RASGEF1A: variants seen among roughly 807,000 people sequenced by gnomAD.
RASGEF1A encodes the protein ras-GEF domain-containing family member 1A.
Under a neutral mutation model 56.4 loss-of-function variants are expected in RASGEF1A, and 18 were observed. The observed-to-expected ratio is 0.32, with a 90% CI of 0.22 to 0.47. RASGEF1A has a LOEUF of 0.47. Ranked by LOEUF, RASGEF1A falls within the 20% of genes least tolerant of loss-of-function variation. The probability of loss-of-function intolerance (pLI) is 1.00; values close to 1 mark genes in which losing one functional copy is unlikely to be tolerated. For synonymous variants in RASGEF1A, 245 were observed against 242.6 expected, an observed-to-expected ratio of 1.01 and a Z score of -0.09; for missense variants, 422 against 627.1, an observed-to-expected ratio of 0.67 and a Z score of 3.49.
intron 1 of RASGEF1A, among the ~76,000 whole-genome samples, chr10:43,255,674 G>A (rs543694351): frequency 6.6e-6 from 1 of 152,228 alleles, no homozygotes; most frequent in Admixed American, 6.5e-5. Context: ...CAAGGACACA[G>A]GACACTGGTC....
chr10:43,234,035 GA>G (rs1380477042), intron 1 of RASGEF1A, among the ~76,000 whole-genome samples: 1 of 152,120 alleles, frequency 6.6e-6, no homozygotes, highest in African/African-American at 2.4e-5. Flanking sequence ...CAGGGCCGGG[GA>G]GGGCACCCTC....
At chr10:43,237,314 C>A (rs1803727365) in intron 1 of RASGEF1A, among the ~76,000 whole-genome samples, 1 of 152,106 alleles carries the variant, frequency 6.6e-6, no homozygotes, top group Admixed American at 6.5e-5. Context: ...TCCTCCCCGA[C>A]CCCGGAGGCT....
chr10:43,216,156 C>A (rs1840133924), intron 1 of RASGEF1A, among the ~76,000 whole-genome samples: 1 of 152,328 alleles, frequency 6.6e-6, no homozygotes, highest in African/African-American at 2.4e-5. Flanking sequence ...CCAGGCTGCC[C>A]CCCAACCTGG....
intron 1 of RASGEF1A, among the ~76,000 whole-genome samples, chr10:43,254,948 C>T (rs1055534666): frequency 1.3e-5 from 2 of 152,000 alleles, no homozygotes; most frequent in African/African-American, 4.8e-5. Context: ...GCCCCTCTAT[C>T]CCCGCACTCC....
intron 1 of RASGEF1A, among the ~76,000 whole-genome samples, chr10:43,243,430 C>A (rs1320322726): frequency 6.9e-6 from 1 of 145,794 alleles, no homozygotes; most frequent in African/African-American, 2.6e-5. Context: ...AAGTGAGGGG[C>A]GTCTCTGCCC....
intron 1 of RASGEF1A, among the ~76,000 whole-genome samples, chr10:43,251,896 G>T (rs1840631343): frequency 6.6e-6 from 1 of 152,182 alleles, no homozygotes; most frequent in South Asian, 2.1e-4. Flanking sequence ...GGTTCGGAAG[G>T]GACAGGTGAA....
Position 43,242,746 on chromosome 10 carries a change from T to C in RASGEF1A, c.-7+24099A>G, listed in dbSNP as rs186336227. 6.7e-3 allele frequency among the ~76,000 whole-genome samples: 1,025 copies of C among 152,204 alleles called. 8 individuals are homozygous for C. The highest frequency in any genetic ancestry group is 9.6e-3 in the Non-Finnish European group (652 of 67,982). On this transcript the variant is annotated intron_variant, in intron 1 of 12. Coordinates refer to ENST00000395810, the MANE Select transcript of RASGEF1A (RefSeq NM_145313.4). ...CAGGGTTTCGCTGTGTTGACCGGGCTGGTTTCCAGCTCCTGGCCTCGGGTG... is the reference window on the plus strand; with the variant it reads ...CAGGGTTTCGCTGTGTTGACCGGGCCGGTTTCCAGCTCCTGGCCTCGGGTG...
At chr10:43,251,246 C>T (rs972395000) in intron 1 of RASGEF1A, among the ~76,000 whole-genome samples, 4 of 152,182 alleles carry the variant, frequency 2.6e-5, no homozygotes, top group Admixed American at 1.3e-4. Flanking sequence ...GATCAGCCAG[C>T]GGCAGCCGCC....
chr10:43,220,072 C>T (rs1167936128), intron 1 of RASGEF1A, among the ~76,000 whole-genome samples: 1 of 152,226 alleles, frequency 6.6e-6, no homozygotes, highest in Non-Finnish European at 1.5e-5. Context: ...GCCGTGGACA[C>T]AGGCAGCTCT....
At chr10:43,202,051 T>G in intron 3 of RASGEF1A, 106 bp from the exon 4 acceptor site, 4 of 1,275,028 alleles carry the variant, frequency 3.1e-6, no homozygotes, top group Non-Finnish European at 4.2e-6. Flanking sequence ...CCAGGCCCTG[T>G]GCTGGGCACA....
chr10:43,224,531 G>A (rs1378336491), intron 1 of RASGEF1A, among the ~76,000 whole-genome samples: 1 of 152,176 alleles, frequency 6.6e-6, no homozygotes, highest in Non-Finnish European at 1.5e-5. Context: ...GCTAGATATA[G>A]GAAAGCCTTT....
At chr10:43,259,816 C>T (rs1421796579) in intron 1 of RASGEF1A, among the ~76,000 whole-genome samples, 1 of 152,098 alleles carries the variant, frequency 6.6e-6, no homozygotes, top group African/African-American at 2.4e-5. Flanking sequence ...TCCAGCTGAG[C>T]CCCAAGGTGG....
At chr10:43,208,636 G>T in intron 1 of RASGEF1A, 1 of 985,654 alleles carries the variant, frequency 1.0e-6, no homozygotes, top group Non-Finnish European at 1.2e-6. Flanking sequence ...GGTGCTCTGG[G>T]TTCCTTCTGT....
intron 1 of RASGEF1A, among the ~76,000 whole-genome samples, chr10:43,250,920 C>G (rs907246928): frequency 7.9e-5 from 12 of 152,322 alleles, no homozygotes; most frequent in African/African-American, 2.6e-4. Context: ...CCAGAGACAC[C>G]TGGGTGGAGG....
intron 1 of RASGEF1A, among the ~76,000 whole-genome samples, chr10:43,221,774 C>T (rs909903894): frequency 2.0e-5 from 3 of 152,238 alleles, no homozygotes; most frequent in Non-Finnish European, 4.4e-5. Flanking sequence ...CAATGAGTGG[C>T]GTAGGCAGAG....
intron 10 of RASGEF1A, 107 bp from the exon 11 acceptor site, chr10:43,197,206 G>A (rs1050078517): frequency 4.5e-6 from 6 of 1,335,374 alleles, no homozygotes; most frequent in African/African-American, 4.4e-5. Flanking sequence ...TCACTTCACT[G>A]GTCCCAGCAA....
chr10:43,221,011 A>G (rs1459352329), intron 1 of RASGEF1A, among the ~76,000 whole-genome samples: 1 of 152,198 alleles, frequency 6.6e-6, no homozygotes, highest in Non-Finnish European at 1.5e-5. Context: ...GAAGCTGCTC[A>G]TGACCAAGAC....
intron 3 of RASGEF1A, among the ~76,000 whole-genome samples, chr10:43,202,480 C>G (rs1839915853): frequency 6.6e-6 from 1 of 152,124 alleles, no homozygotes; most frequent in East Asian, 1.9e-4. Flanking sequence ...CGGAAGATGC[C>G]CGCGCGGCCT....
At chr10:43,207,973 AG>A (rs1334966314) in intron 1 of RASGEF1A, 2 of 917,036 alleles carry the variant, frequency 2.2e-6, no homozygotes, top group East Asian at 2.4e-4. Flanking sequence ...TGACCCACAA[AG>A]CCAGAAGTGG....
Sources: allele counts gnomAD v4.1 joint callset (sites outside exome capture counted in the v4.1 genomes callset), GRCh38; gene constraint gnomAD v4.1.1; transcripts MANE v1.5; gene names NCBI Gene and HGNC (gene_info 2026-07-23, HGNC 2026-07-21).